The following TENM2 variants were observed in gnomAD, a reference collection of about 807,000 sequenced individuals.
TENM2 encodes teneurin transmembrane protein 2, also known as teneurin-2.
In TENM2, 52 loss-of-function variants were observed where a neutral mutation model predicts 245.2. The ratio of observed to expected loss-of-function variants is 0.21; its 90% confidence interval spans 0.17 to 0.27. TENM2 has a LOEUF of 0.27. Ranked by LOEUF, TENM2 falls within the 10% of genes least tolerant of loss-of-function variation. The pLI, the probability that TENM2 is intolerant of heterozygous loss-of-function variation, is 1.00. For missense variants in TENM2, 3,046 were observed against 3,666.8 expected (o/e 0.83, Z 4.37); for synonymous variants, 1,363 against 1,438.9 (o/e 0.95, Z 1.19).
intron 2 of TENM2, among the ~76,000 whole-genome samples, chr5:167,738,168 G>T (rs1379417196): frequency 6.6e-6 from 1 of 152,226 alleles, no homozygotes; most frequent in Non-Finnish European, 1.5e-5. Context: ...TCAGAAGACA[G>T]GATGCTGTGC....
the TENM2 span, among the ~76,000 whole-genome samples, chr5:167,094,585 T>C: frequency 8.5e-5 from 13 of 152,320 alleles, no homozygotes; most frequent in Admixed American, 8.5e-4. Flanking sequence ...TTTTTCAATA[T>C]GTTTATGTAG....
rs767675565 is a variant in TENM2, at chr5:167,782,313, C to CAAAAA, written c.503-93651_503-93647dup. 8.1e-3 allele frequency among the ~76,000 whole-genome samples: 478 copies of CAAAAA among 58,724 alleles called. 17 individuals carry two copies. In the East Asian group the frequency reaches 0.087, roughly 11 times the overall value. 38.5% of individuals were successfully genotyped at this position (58,724 alleles called of 152,430 possible). A position where few individuals can be genotyped will look rare whatever the true frequency, so the allele number is the denominator to read the frequency against. On this transcript the variant is annotated intron_variant, in intron 2 of 28. Transcript: ENST00000518659. ...GGGCAACAAGAGCAAAACTCTGTCT[C>CAAAAA]AAAAAAAAAAAAAAAAAAAAAAAAA...
chr5:167,344,761 G>A (rs1490673787), intron 1 of TENM2, among the ~76,000 whole-genome samples: 1 of 152,120 alleles, frequency 6.6e-6, no homozygotes, highest in Non-Finnish European at 1.5e-5. Context: ...GCACACCAGA[G>A]ACTTGAGGAG....
At chr5:167,150,633 G>A in the TENM2 span, among the ~76,000 whole-genome samples, 1 of 152,078 alleles carries the variant, frequency 6.6e-6, no homozygotes, top group African/African-American at 2.4e-5. Context: ...TCAATTATTT[G>A]TCTTTTATAA....
At chr5:167,479,956 G>T (rs542726134) in intron 2 of TENM2, among the ~76,000 whole-genome samples, 6 of 152,204 alleles carry the variant, frequency 3.9e-5, no homozygotes, top group South Asian at 2.1e-4. Flanking sequence ...ACACTGCAGG[G>T]ATTCTGAGTC....
chr5:167,599,851 G>A (rs575860690), intron 2 of TENM2, among the ~76,000 whole-genome samples: 36 of 152,066 alleles, frequency 2.4e-4, no homozygotes, highest in Middle Eastern at 3.4e-3. Context: ...TGAGAATATC[G>A]TTAAAGGTTT....
intron 2 of TENM2, among the ~76,000 whole-genome samples, chr5:167,563,922 TATG>T (rs1257934611): frequency 6.6e-6 from 1 of 152,214 alleles, no homozygotes; most frequent in Non-Finnish European, 1.5e-5. Context: ...AAGTGCACTC[TATG>T]ATGTTTGCAC....
the TENM2 span, among the ~76,000 whole-genome samples, chr5:167,205,191 G>A: frequency 5.9e-5 from 9 of 152,128 alleles, no homozygotes; most frequent in African/African-American, 9.7e-5. Flanking sequence ...GACCAGCCTG[G>A]TCAACATGGC....
chr5:167,077,929 G>A, the TENM2 span, among the ~76,000 whole-genome samples: 2 of 152,000 alleles, frequency 1.3e-5, no homozygotes, highest in Non-Finnish European at 2.9e-5. Context: ...ATGCAAACCA[G>A]GAGAAGCGAA....
intron 2 of TENM2, among the ~76,000 whole-genome samples, chr5:167,840,668 A>G (rs1282888057): frequency 1.3e-5 from 2 of 152,152 alleles, no homozygotes; most frequent in Admixed American, 1.3e-4. Flanking sequence ...GACAGGGAGC[A>G]ACAACAGACA....
chr5:167,105,531 A>G, the TENM2 span, among the ~76,000 whole-genome samples: 1 of 152,140 alleles, frequency 6.6e-6, no homozygotes, highest in Non-Finnish European at 1.5e-5. Context: ...CTATGGTACT[A>G]TGCAGTGGAC....
At chr5:167,371,968 A>G (rs1442515029) in intron 1 of TENM2, among the ~76,000 whole-genome samples, 3 of 152,196 alleles carry the variant, frequency 2.0e-5, no homozygotes, top group Non-Finnish European at 2.9e-5. Flanking sequence ...AATACTTACA[A>G]TGAGGTTCCT....
the TENM2 span, among the ~76,000 whole-genome samples, chr5:167,092,078 T>C: frequency 6.6e-6 from 1 of 152,086 alleles, no homozygotes; most frequent in African/African-American, 2.4e-5. Flanking sequence ...AAATGAGAGG[T>C]TGGGAAACTA....
intron 2 of TENM2, among the ~76,000 whole-genome samples, chr5:167,719,400 G>A (rs1479514390): frequency 6.6e-6 from 1 of 152,206 alleles, no homozygotes; most frequent in African/African-American, 2.4e-5. Flanking sequence ...ACAACACTAG[G>A]ATGTGAGAAA....
intron 14 of TENM2, among the ~76,000 whole-genome samples, chr5:168,192,716 A>C (rs747870881): frequency 6.6e-6 from 1 of 152,226 alleles, no homozygotes; most frequent in Non-Finnish European, 1.5e-5. Flanking sequence ...TAGCTCTAGA[A>C]CAGATTCTGT....
At chr5:167,390,047 A>G (rs1275045264) in intron 2 of TENM2, among the ~76,000 whole-genome samples, 1 of 152,174 alleles carries the variant, frequency 6.6e-6, no homozygotes, top group Non-Finnish European at 1.5e-5. Context: ...CCCAGGTCCT[A>G]TTGTACCTTA....
intron 2 of TENM2, among the ~76,000 whole-genome samples, chr5:167,599,221 G>A (rs1273310195): frequency 1.3e-5 from 2 of 152,168 alleles, no homozygotes; most frequent in Non-Finnish European, 2.9e-5. Flanking sequence ...TGGGCTGAGT[G>A]TGTGTTGTCT....
chr5:167,809,731 G>A (rs1766490527), intron 2 of TENM2, among the ~76,000 whole-genome samples: 1 of 152,072 alleles, frequency 6.6e-6, no homozygotes, highest in South Asian at 2.1e-4. Flanking sequence ...CAAAGTGTTA[G>A]GGGAAGATTT....
the TENM2 span, among the ~76,000 whole-genome samples, chr5:167,083,014 CA>C: frequency 0.042 from 6,026 of 143,126 alleles, 153 homozygotes; most frequent in South Asian, 0.093. Context: ...ATGAAATTGG[CA>C]AAAAAAAAAG....
Sources: allele counts gnomAD v4.1 joint callset (sites outside exome capture counted in the v4.1 genomes callset), GRCh38; gene constraint gnomAD v4.1.1; transcripts MANE v1.5; gene names NCBI Gene and HGNC (gene_info 2026-07-23, HGNC 2026-07-21).